GRID2: variants seen among roughly 807,000 people sequenced by gnomAD.
GRID2 encodes glutamate ionotropic receptor delta type subunit 2, also known as glutamate receptor ionotropic, delta-2.
In GRID2, 33 loss-of-function variants were observed where a neutral mutation model predicts 114.8. The observed-to-expected ratio is 0.29, with a 90% CI of 0.22 to 0.38. The LOEUF is 0.38. GRID2 is among the 10% of genes least tolerant of loss of function. GRID2 has a pLI of 1.00. For synonymous variants in GRID2, 505 were observed against 449.9 expected (o/e 1.12, Z -1.55); for missense variants, 1,184 against 1,257.7 (o/e 0.94, Z 0.89).
intron 11 of GRID2, among the ~76,000 whole-genome samples, chr4:93,489,582 G>A (rs1015316891): frequency 6.6e-6 from 1 of 151,850 alleles, no homozygotes; most frequent in African/African-American, 2.4e-5. Context: ...AGTAAATGGG[G>A]AAACCACATA....
At chr4:92,822,310 AC>A in intron 2 of GRID2, 1 of 618,090 alleles carries the variant, frequency 1.6e-6, no homozygotes, top group African/African-American at 1.8e-5. Flanking sequence ...CTCCAGAAGC[AC>A]AGAGGGATCC....
chr4:92,345,422 T>C (rs1727716264), intron 1 of GRID2, among the ~76,000 whole-genome samples: 1 of 152,232 alleles, frequency 6.6e-6, no homozygotes. Flanking sequence ...TAAACGTGTG[T>C]GCATCTGTCT....
intron 1 of GRID2, among the ~76,000 whole-genome samples, chr4:92,506,824 A>G (rs1473659640): frequency 6.6e-6 from 1 of 151,914 alleles, no homozygotes; most frequent in African/African-American, 2.4e-5. Flanking sequence ...ATTTCTACTC[A>G]GGATATAACA....
chr4:93,521,775 A>T (rs926294610), intron 13 of GRID2, among the ~76,000 whole-genome samples: 4 of 152,146 alleles, frequency 2.6e-5, no homozygotes, highest in Admixed American at 2.0e-4. Context: ...TATTTGAGAG[A>T]GTGACAGAGA....
chr4:92,861,893 C>T (rs1039082539), intron 2 of GRID2, among the ~76,000 whole-genome samples: 3 of 151,990 alleles, frequency 2.0e-5, no homozygotes, highest in African/African-American at 7.2e-5. Context: ...TTATTTACTT[C>T]CTATCTCTTA....
Position 93,126,272 on chromosome 4 carries a change from A to C in GRID2, c.735+15319A>C, listed in dbSNP as rs1579060751. Among the ~76,000 whole-genome samples, 3 of 152,252 alleles carry C rather than the reference A, an allele frequency of 2.0e-5. No individual in the cohort carries two copies. In the South Asian group the frequency reaches 6.2e-4, roughly 32 times the overall value. On this transcript the variant is annotated intron_variant, in intron 4 of 15. Coordinates refer to ENST00000282020, the MANE Select transcript of GRID2 (RefSeq NM_001510.4). ...AATTTTTTTTCAAATTGCCAGTTTTAATGAGGGGAAAAACCTAACTTTCTC... is the reference window on the plus strand; with the variant it reads ...AATTTTTTTTCAAATTGCCAGTTTTCATGAGGGGAAAAACCTAACTTTCTC...
intron 4 of GRID2, among the ~76,000 whole-genome samples, chr4:93,171,701 G>C (rs1408426517): frequency 6.6e-6 from 1 of 152,150 alleles, no homozygotes; most frequent in Non-Finnish European, 1.5e-5. Flanking sequence ...GTCATGGAAA[G>C]AGAAAATAAT....
At position 92,440,361 on chromosome 4, in the gene GRID2, A is replaced by C. The variant is rs556798063; in HGVS notation, c.88+135617A>C. Among the ~76,000 whole-genome samples, 598 of 146,490 alleles carry C rather than the reference A, an allele frequency of 4.1e-3. 83 individuals carry two copies. Among genetic ancestry groups the C allele is most frequent in the Non-Finnish European group, 6.1e-3 (395 of 64,622 alleles). ...GAATTATGTCTGACAGAAGGGAAGA[A>C]ATGACTGCGGTGGCCTTCTCAGACC... On this transcript the variant is annotated intron_variant, in intron 1 of 15. Coordinates refer to ENST00000282020, the MANE Select transcript of GRID2 (RefSeq NM_001510.4).
chr4:93,316,322 A>G (rs1452609149), intron 8 of GRID2, among the ~76,000 whole-genome samples: 9 of 51,916 alleles, frequency 1.7e-4, no homozygotes, highest in African/African-American at 8.1e-4. Flanking sequence ...GAAAGAAAGA[A>G]AGAAAGAAAG....
chr4:93,244,004 G>A (rs1281752122), intron 8 of GRID2, among the ~76,000 whole-genome samples: 1 of 151,946 alleles, frequency 6.6e-6, no homozygotes, highest in Non-Finnish European at 1.5e-5. Flanking sequence ...TTGAGCAAAA[G>A]TTATTATAAG....
At chr4:93,149,949 T>C (rs889011341) in intron 4 of GRID2, among the ~76,000 whole-genome samples, 4 of 151,754 alleles carry the variant, frequency 2.6e-5, no homozygotes, top group African/African-American at 9.7e-5. Flanking sequence ...AAGAAGAGCT[T>C]TGATAGTCAC....
At chr4:93,228,091 G>A (rs1373640384) in intron 7 of GRID2, among the ~76,000 whole-genome samples, 2 of 152,078 alleles carry the variant, frequency 1.3e-5, no homozygotes, top group Admixed American at 1.3e-4. Flanking sequence ...CACATATTCA[G>A]GTATTTATTA....
At chr4:92,975,156 C>CAAAAAAAAAAGAAAAA (rs1753785908) in intron 2 of GRID2, among the ~76,000 whole-genome samples, 1 of 46,692 alleles carries the variant, frequency 2.1e-5, no homozygotes, top group Non-Finnish European at 3.7e-5. Flanking sequence ...GATTCCGCCT[C>CAAAAAAAAAAGAAAAA]AAAAAAAAAA....
At chr4:93,504,881 T>C (rs1176703681) in intron 12 of GRID2, among the ~76,000 whole-genome samples, 1 of 152,102 alleles carries the variant, frequency 6.6e-6, no homozygotes, top group Non-Finnish European at 1.5e-5. Context: ...ATTTAGTATT[T>C]AATTTGACAA....
chr4:93,547,462 T>C (rs1733331641), intron 13 of GRID2, among the ~76,000 whole-genome samples: 1 of 152,230 alleles, frequency 6.6e-6, no homozygotes, highest in African/African-American at 2.4e-5. Flanking sequence ...TGGCCAAGCA[T>C]TGTATAATTC....
At chr4:92,680,842 A>T (rs1041851765) in intron 2 of GRID2, among the ~76,000 whole-genome samples, 4 of 152,170 alleles carry the variant, frequency 2.6e-5, no homozygotes, top group African/African-American at 9.7e-5. Context: ...TGTCCCAGAG[A>T]TACTTAGGTG....
At chr4:93,087,017 G>GATTT (rs140238204) in intron 3 of GRID2, among the ~76,000 whole-genome samples, 8,922 of 147,548 alleles carry the variant, frequency 0.06, 334 homozygotes, top group Middle Eastern at 0.1. Flanking sequence ...CTATGAAAGT[G>GATTT]ATTTATTTAT....
chr4:92,938,686 G>A (rs1447818553), intron 2 of GRID2, among the ~76,000 whole-genome samples: 3 of 145,996 alleles, frequency 2.1e-5, no homozygotes, highest in East Asian at 4.4e-4. Context: ...TTAGCCTTAG[G>A]TATATCTCTT....
At chr4:93,590,091 T>C (rs547643406) in intron 13 of GRID2, among the ~76,000 whole-genome samples, 25,768 of 139,502 alleles carry the variant, frequency 0.18, 2,930 homozygotes, top group Middle Eastern at 0.3. Context: ...TCTTTTGTTG[T>C]CATTGCTTTT....
Sources: gnomAD v4.1 joint callset for allele counts (sites outside exome capture counted in the v4.1 genomes callset) on GRCh38, gnomAD v4.1.1 for gene constraint, MANE v1.5 for transcripts, NCBI Gene and HGNC (gene_info 2026-07-23, HGNC 2026-07-21) for gene names.